FAT2: variants seen among roughly 807,000 people sequenced by gnomAD.
The protein encoded by FAT2 is FAT atypical cadherin 2, also known as protocadherin Fat 2.
FAT2 carries 150 observed loss-of-function variants against 295.3 expected under a neutral mutation model. That is an observed-to-expected ratio of 0.51 (90% CI 0.44 to 0.58). FAT2 has a LOEUF of 0.58. Among genes scored for constraint, FAT2 ranks in the 20% least tolerant of loss-of-function variants. The pLI, the probability that FAT2 is intolerant of heterozygous loss-of-function variation, is 0.00. For synonymous variants in FAT2, 2,026 were observed against 2,150.3 expected (o/e 0.94, Z 1.60); for missense variants, 4,868 against 5,442.7 (o/e 0.89, Z 3.32).
Position 151,512,245 on chromosome 5 carries a change from G to C in FAT2, c.11825C>G (p.Thr3942Ser), listed in dbSNP as rs60050170. ...VAGLLETQAL[T>S]QCCLHSDYCS... ...GTAGTCACTGTGGAGGCAGCACTGG[G>C]TGAGGGCTTGTGTCTCCAGCAAGCC... The change falls in exon 21 of 24, where the codon ACC becomes AGC. Residue 3942 changes from threonine (T) to serine (S), a missense_variant. Transcript: ENST00000261800. This position sits in a 1 kb window ranked among gnomAD's most constrained non-coding sequence, Gnocchi z 4.1. 3,991 of 1,614,206 alleles carry C rather than the reference G, an allele frequency of 2.5e-3. 91 individuals carry two copies. The African/African-American group carries it at 0.045, about 18-fold the overall frequency.
In FAT2 at chr5:151,563,554, C is replaced by T. The variant is rs1758121755; in HGVS notation, c.3345G>A (p.Val1115=). The change falls in exon 3 of 24, where the codon GTG becomes GTA. Residue 1115 remains valine (V), a synonymous_variant. Coordinates refer to ENST00000261800, the MANE Select transcript of FAT2 (RefSeq NM_001447.3). ...AGACTTCAGTTACAGAAGAGAGGGG[C>T]ACAGAACCCCTGTCCACTGCTAATA... ...LTVLAVDRGS[V]PLSSVTEVYI... 1 of 1,614,138 alleles carries T rather than the reference C, an allele frequency of 6.2e-7. No individual in the cohort carries two copies. The highest frequency in any genetic ancestry group is 2.2e-5 in the East Asian group (1 of 44,884).
chr5:151,570,245 AT>A (rs1329896915), intron 1 of FAT2, among the ~76,000 whole-genome samples: 1 of 152,206 alleles, frequency 6.6e-6, no homozygotes, highest in Non-Finnish European at 1.5e-5. Flanking sequence ...CATGTCCCTT[AT>A]AGACAGGGCA....
Position 151,505,442 on chromosome 5 carries a change from G to T in FAT2, c.*123C>A, listed in dbSNP as rs940299116. On this transcript the variant is annotated 3_prime_UTR_variant, in exon 24 of 24. Coordinates refer to ENST00000261800, the MANE Select transcript of FAT2 (RefSeq NM_001447.3). ...GAAGAGCACATTTCAAGGGACAACA[G>T]CCTGGGCTGAGGGCTTCCCTCCCAC... The T allele has an allele frequency of 1.3e-5, 16 of 1,198,628 alleles. No homozygotes were observed. Among genetic ancestry groups the T allele is most frequent in the Middle Eastern group, 2.0e-4 (1 of 4,990 alleles). The allele number at this position is 1,198,628 out of a possible 1,614,324, so 74.2% of individuals were successfully genotyped here. A position where few individuals can be genotyped will look rare whatever the true frequency, so the allele number is the denominator to read the frequency against.
chr5:151,531,516 CAG>C lies in FAT2; in HGVS notation c.9811+69_9811+70del, dbSNP rs1754595675. On this transcript the variant is annotated intron_variant, in intron 14 of 23. Transcript: ENST00000261800. This position sits in a 1 kb window ranked among gnomAD's most constrained non-coding sequence, Gnocchi z 5.7. ...GCGCTGCACAGGGTAGATACCCACACAGGGGAGGAACCCAGCGCTCCCAGAAA... is the reference window on the plus strand; with the variant it reads ...GCGCTGCACAGGGTAGATACCCACACGGGAGGAACCCAGCGCTCCCAGAAA... 94 of 1,586,282 alleles carry C rather than the reference CAG, an allele frequency of 5.9e-5. 2 individuals are homozygous for C. The South Asian group carries it at 1.1e-3, about 18-fold the overall frequency.
At chr5:151,558,809 C>T (rs964799862) in intron 3 of FAT2, among the ~76,000 whole-genome samples, 17 of 152,100 alleles carry the variant, frequency 1.1e-4, no homozygotes, top group Admixed American at 2.6e-4. Context: ...TCAGTTCATC[C>T]GTAATTGAAG....
At chr5:151,533,797 T>C (rs1754941822) in intron 13 of FAT2, among the ~76,000 whole-genome samples, 1 of 152,096 alleles carries the variant, frequency 6.6e-6, no homozygotes, top group African/African-American at 2.4e-5. Context: ...TATATGTATG[T>C]ATACATGCAG....
chr5:151,545,412 A>G lies in FAT2; in HGVS notation c.5715T>C (p.Tyr1905=), dbSNP rs369505599. The G allele has an allele frequency of 2.0e-5, 32 of 1,614,052 alleles. No homozygotes were observed. Among genetic ancestry groups the G allele is most frequent in the Non-Finnish European group, 2.6e-5 (31 of 1,180,030 alleles). The stretch of plus-strand genomic sequence containing the variant: ...CATCAGCATTGCCAGTTTTGATGCT[A>G]TAATTGACTTCTGAGTCTTCATCGC... ...RASDEDSEVN[Y]SIKTGNADEA... is the part of the protein sequence containing the mutation. Residue 1905 remains tyrosine (Y), a synonymous_variant, in exon 10 of 24, where the codon TAT becomes TAC. Coordinates refer to ENST00000261800, the MANE Select transcript of FAT2 (RefSeq NM_001447.3).
chr5:151,592,229 G>A (rs11948947), upstream of FAT2, among the ~76,000 whole-genome samples: 9,096 of 152,218 alleles, frequency 0.06, 341 homozygotes, highest in African/African-American at 0.089. Context: ...GTTAGACAAG[G>A]ATTAGCACTC....
chr5:151,590,511 AC>A (rs1258850803), intron 1 of FAT2, among the ~76,000 whole-genome samples: 2 of 152,064 alleles, frequency 1.3e-5, no homozygotes, highest in Non-Finnish European at 2.9e-5. Context: ...GGCTGTTCCC[AC>A]CCCAACAACT....
chr5:151,547,940 G>T (rs1161678091), intron 9 of FAT2, among the ~76,000 whole-genome samples: 1 of 152,162 alleles, frequency 6.6e-6, no homozygotes, highest in Non-Finnish European at 1.5e-5. Flanking sequence ...AAATGAGCAT[G>T]TGTTACTTCT....
Position 151,567,817 on chromosome 5 carries a change from C to T in FAT2, c.1115G>A (p.Ser372Asn). The T allele has an allele frequency of 6.2e-7, 1 of 1,614,152 alleles. No homozygotes were observed. Among genetic ancestry groups the T allele is most frequent in the Non-Finnish European group, 8.5e-7 (1 of 1,180,014 alleles). Residue 372 changes from serine to asparagine, a missense_variant, in exon 2 of 24, where the codon AGT (serine) becomes AAT (asparagine). By Grantham distance (46) the Ser-to-Asn change is conservative. Around this residue, in one of 5 missense-constraint regions of FAT2, gnomAD observed 3,297 missense variants for 3,669.4 expected, o/e 0.90. Transcript: ENST00000261800. Reference protein sequence around the residue: ...FEKAVYRVQLSEFSPPGSRVV... With the variant: ...FEKAVYRVQLNEFSPPGSRVV... Reference sequence around the variant, plus strand: ...GCGGCTGCCAGGAGGGGAAAACTCACTAAGCTGCACTCTGTAAACAGCCTT... The same window carrying T: ...GCGGCTGCCAGGAGGGGAAAACTCATTAAGCTGCACTCTGTAAACAGCCTT...
chr5:151,512,459 T>C lies in FAT2; in HGVS notation c.11611A>G (p.Met3871Val). ...DASIRLMVDS[M>V]GNTSLVVPEN... ...GGGACCACAAGGGAGGTGTTGCCCA[T>C]GCTGTCAACCATCAGGCGAATGGAA... The change falls in exon 21 of 24, where the codon ATG (methionine) becomes GTG (valine). Residue 3871 changes from methionine (M) to valine (V), a missense_variant. Transcript: ENST00000261800. This position sits in a 1 kb window ranked among gnomAD's most constrained non-coding sequence, Gnocchi z 4.1. The C allele has an allele frequency of 3.7e-6, 6 of 1,614,218 alleles. No homozygotes were observed. The highest frequency in any genetic ancestry group is 5.1e-6 in the Non-Finnish European group (6 of 1,180,036).
In FAT2 at chr5:151,566,583, G is replaced by T. The variant is rs2127646365; in HGVS notation, c.2349C>A (p.Thr783=). 1 of 1,614,136 alleles carries T rather than the reference G, an allele frequency of 6.2e-7. No homozygotes were observed. Among genetic ancestry groups the T allele is most frequent in the South Asian group, 1.1e-5 (1 of 91,080 alleles). ...CTGTTACATTGAGGATGTAGAAATT[G>T]GTGGCTTCATAGTCCAAGGGAGCAG... ...TVAAPLDYEA[T]NFYILNVTVY... The change falls in exon 2 of 24, where the codon ACC becomes ACA. Residue 783 remains threonine, a synonymous_variant. Coordinates refer to ENST00000261800, the MANE Select transcript of FAT2 (RefSeq NM_001447.3).
Position 151,544,901 on chromosome 5 carries a change from A to T in FAT2, c.6226T>A (p.Tyr2076Asn). Residue 2076 changes from tyrosine to asparagine, a missense_variant, in exon 10 of 24, where the codon TAC becomes AAC. Tyr to Asn is a moderately radical substitution (Grantham distance 143). Coordinates refer to ENST00000261800, the MANE Select transcript of FAT2 (RefSeq NM_001447.3). ...NPPKFKHLPY[Y>N]TIIQDGTEPG... The stretch of plus-strand genomic sequence containing the variant: ...TCTGTGCCATCTTGGATGATTGTGT[A>T]ATAGGGCAGATGCTTAAATTTGGGG... 1 of 1,614,138 alleles carries T rather than the reference A, an allele frequency of 6.2e-7. No homozygotes were observed. Among genetic ancestry groups the T allele is most frequent in the South Asian group, 1.1e-5 (1 of 91,072 alleles).
rs1756477114 is a variant in FAT2, at chr5:151,544,924, G to T, written c.6203C>A (p.Pro2068His). The change falls in exon 10 of 24, where the codon CCC becomes CAC. Residue 2068 changes from proline (P) to histidine (H), a missense_variant. Around this residue, in one of 5 missense-constraint regions of FAT2, gnomAD observed 3,297 missense variants for 3,669.4 expected, o/e 0.90. Transcript: ENST00000261800. ...VSIEDVNDNP[P>H]KFKHLPYYTI... is the part of the protein sequence containing the mutation. ...GTAATAGGGCAGATGCTTAAATTTG[G>T]GGGGATTGTCATTGACATCCTCAAT... 1.2e-6 allele frequency: 2 copies of T among 1,613,892 alleles called. No homozygotes were observed. The highest frequency in any genetic ancestry group is 2.7e-5 in the African/African-American group (2 of 74,842).
At chr5:151,517,825 C>A in intron 19 of FAT2, 60 bp from the exon 20 acceptor site, 1 of 1,582,036 alleles carries the variant, frequency 6.3e-7, no homozygotes, top group Non-Finnish European at 8.6e-7. Flanking sequence ...AGCCCTTGGA[C>A]TGACTTTGTC....
chr5:151,555,367 CTTT>C (rs912481589), intron 4 of FAT2, among the ~76,000 whole-genome samples: 6 of 123,084 alleles, frequency 4.9e-5, no homozygotes, highest in Non-Finnish European at 6.7e-5. Context: ...TAATATATTT[CTTT>C]TTTTTTTTTT....
rs79292752 is a variant in FAT2, at chr5:151,581,091, C to T, written c.-21+10074G>A. Among the ~76,000 whole-genome samples, 958 of 152,330 alleles carry T rather than the reference C, an allele frequency of 6.3e-3. 12 individuals carry two copies. Among genetic ancestry groups the T allele is most frequent in the African/African-American group, 0.022 (904 of 41,570 alleles). On this transcript the variant is annotated intron_variant, in intron 1 of 23. Transcript: ENST00000261800. ...GGAGTCGCTACAGTCAGGCCACACA[C>T]TCAGGTTCTGGAGAGGGGCTACCTG...
intron 1 of FAT2, among the ~76,000 whole-genome samples, chr5:151,585,657 A>ACT (rs1759140660): frequency 6.6e-6 from 1 of 152,134 alleles, no homozygotes; most frequent in Non-Finnish European, 1.5e-5. Flanking sequence ...CAATTTATGC[A>ACT]CTCTGTTTTT....
Sources: allele counts gnomAD v4.1 joint callset (sites outside exome capture counted in the v4.1 genomes callset), GRCh38; gene constraint gnomAD v4.1.1; regional missense constraint gnomAD v4.1.1; non-coding constraint Gnocchi (gnomAD v3.1); transcripts MANE v1.5; gene names NCBI Gene and HGNC (gene_info 2026-07-23, HGNC 2026-07-21).